Variants in DSCAM observed in about 807,000 individuals in gnomAD.
The protein encoded by DSCAM is DS cell adhesion molecule.
Under a neutral mutation model 217.7 loss-of-function variants are expected in DSCAM, and 47 were observed. The ratio of observed to expected loss-of-function variants is 0.22; its 90% CI spans 0.17 to 0.28. The LOEUF (loss-of-function observed/expected upper bound fraction) is 0.28, where lower values mean the gene tolerates loss of function less well. Ranked by LOEUF, DSCAM falls within the 10% of genes least tolerant of loss-of-function variation. The probability of loss-of-function intolerance (pLI) is 1.00; values close to 1 mark genes in which losing one functional copy is unlikely to be tolerated. For missense variants in DSCAM, 2,080 were observed against 2,618.3 expected (o/e 0.79, Z 4.49); for synonymous variants, 1,056 against 1,015.3 (o/e 1.04, Z -0.76).
intron 9 of DSCAM, among the ~76,000 whole-genome samples, chr21:40,303,621 G>A (rs2123468128): frequency 6.6e-6 from 1 of 152,102 alleles, no homozygotes; most frequent in South Asian, 2.1e-4. Context: ...AATCACCATG[G>A]TATCCTCGGC....
chr21:40,062,630 T>C (rs1432335407), intron 28 of DSCAM, among the ~76,000 whole-genome samples: 1 of 152,208 alleles, frequency 6.6e-6, no homozygotes, highest in Non-Finnish European at 1.5e-5. Flanking sequence ...CTTCTATTGG[T>C]TGTGTCCAGC....
intron 3 of DSCAM, among the ~76,000 whole-genome samples, chr21:40,547,325 G>T (rs916613796): frequency 6.6e-6 from 1 of 152,118 alleles, no homozygotes; most frequent in Non-Finnish European, 1.5e-5. Flanking sequence ...AACACAAAAT[G>T]GTGGCTTATA....
At chr21:40,240,370 T>TTTTTTTTTTTTC (rs2073135679) in intron 11 of DSCAM, among the ~76,000 whole-genome samples, 2 of 144,996 alleles carry the variant, frequency 1.4e-5, no homozygotes, top group Non-Finnish European at 1.5e-5. Context: ...TTTTTTTTTT[T>TTTTTTTTTTTTC]TTTGCCTCCT....
At chr21:40,300,530 G>C (rs1042550102) in intron 9 of DSCAM, among the ~76,000 whole-genome samples, 2 of 152,146 alleles carry the variant, frequency 1.3e-5, no homozygotes, top group African/African-American at 4.8e-5. Context: ...CTGCACTAAG[G>C]GGATGCGGCC....
intron 8 of DSCAM, among the ~76,000 whole-genome samples, chr21:40,319,428 C>T (rs547998735): frequency 2.7e-5 from 4 of 150,154 alleles, no homozygotes; most frequent in African/African-American, 7.5e-5. Context: ...AAATAATGTT[C>T]GTGTGTGCAT....
intron 3 of DSCAM, among the ~76,000 whole-genome samples, chr21:40,479,903 C>T (rs1389695434): frequency 3.3e-5 from 5 of 152,134 alleles, no homozygotes; most frequent in Admixed American, 6.5e-5. Context: ...TGTGTACATG[C>T]GTATGCATGT....
chr21:40,604,362 C>T (rs368497717), intron 3 of DSCAM, among the ~76,000 whole-genome samples: 4 of 152,252 alleles, frequency 2.6e-5, no homozygotes, highest in Middle Eastern at 6.8e-3. Flanking sequence ...CTATTAGAAC[C>T]CTAATTCTGT....
chr21:40,029,735 T>G (rs1477772831), intron 32 of DSCAM, among the ~76,000 whole-genome samples: 1 of 152,164 alleles, frequency 6.6e-6, no homozygotes, highest in African/African-American at 2.4e-5. Flanking sequence ...TCTGGGTATC[T>G]GTCATGTTGG....
chr21:40,410,363 T>G (rs565765219), intron 3 of DSCAM, among the ~76,000 whole-genome samples: 4 of 151,604 alleles, frequency 2.6e-5, no homozygotes, highest in Admixed American at 6.6e-5. Flanking sequence ...TGACTTGAAG[T>G]GTAATATCAA....
intron 11 of DSCAM, among the ~76,000 whole-genome samples, chr21:40,200,100 C>G (rs1333118536): frequency 6.8e-6 from 1 of 147,892 alleles, no homozygotes; most frequent in African/African-American, 2.5e-5. Flanking sequence ...CATTCTTAGT[C>G]TGTCTTCAAA....
chr21:40,156,045 C>T (rs2090472894), intron 16 of DSCAM, among the ~76,000 whole-genome samples: 1 of 143,876 alleles, frequency 7.0e-6, no homozygotes, highest in African/African-American at 2.6e-5. Flanking sequence ...CTCCATTTCC[C>T]TCCCACCCTA....
At chr21:40,757,145 T>C (rs1186100759) in intron 1 of DSCAM, among the ~76,000 whole-genome samples, 2 of 152,152 alleles carry the variant, frequency 1.3e-5, no homozygotes, top group African/African-American at 2.4e-5. Context: ...CTGCTTAGCC[T>C]CCCAAGTAGC....
At chr21:40,364,367 T>C (rs2074803961) in intron 4 of DSCAM, among the ~76,000 whole-genome samples, 1 of 152,136 alleles carries the variant, frequency 6.6e-6, no homozygotes, top group Non-Finnish European at 1.5e-5. Flanking sequence ...GATGAGTTCA[T>C]GTCCTTTGTA....
At chr21:40,082,270 C>A (rs878886663) in intron 24 of DSCAM, among the ~76,000 whole-genome samples, 2 of 152,156 alleles carry the variant, frequency 1.3e-5, no homozygotes, top group Admixed American at 1.3e-4. Flanking sequence ...ACCATCCTGG[C>A]TAACATGGTG....
chr21:40,080,384 T>A (rs892710418), intron 24 of DSCAM, 44 bp from the exon 25 acceptor site: 3 of 1,490,818 alleles, frequency 2.0e-6, no homozygotes, highest in Non-Finnish European at 2.7e-6. Context: ...GTGTTTGCTT[T>A]CTATGGGAAG....
intron 1 of DSCAM, among the ~76,000 whole-genome samples, chr21:40,724,657 G>C (rs945946444): frequency 1.7e-4 from 26 of 152,146 alleles, no homozygotes; most frequent in African/African-American, 5.8e-4. Flanking sequence ...AGAAGAAAAT[G>C]AATTATAACC....
chr21:40,511,932 A>G (rs915658538), intron 3 of DSCAM, among the ~76,000 whole-genome samples: 8 of 142,508 alleles, frequency 5.6e-5, no homozygotes, highest in Non-Finnish European at 1.1e-4. Flanking sequence ...TGGAGCTTGC[A>G]GTGAGCCGAG....
At chr21:40,128,699 C>CAAAAAA (rs527919207) in intron 19 of DSCAM, among the ~76,000 whole-genome samples, 8 of 89,026 alleles carry the variant, frequency 9.0e-5, no homozygotes, top group Non-Finnish European at 1.3e-4. Context: ...CATAACCAAA[C>CAAAAAA]AAAAAAAAAA....
At chr21:40,067,708 CCCCTCCCCTCCCCTCATTCCCT>C (rs1354643508) in intron 27 of DSCAM, among the ~76,000 whole-genome samples, 2 of 81,246 alleles carry the variant, frequency 2.5e-5, no homozygotes, top group Non-Finnish European at 4.4e-5. Flanking sequence ...CCCTTCCCCT[CCCCTCCCCTCCCCTCATTCCCT>C]CCCTCCCCTC....
Sources: allele counts gnomAD v4.1 joint callset (sites outside exome capture counted in the v4.1 genomes callset), GRCh38; gene constraint gnomAD v4.1.1; transcripts MANE v1.5; gene names NCBI Gene and HGNC (gene_info 2026-07-23, HGNC 2026-07-21).